Variants in GUCA1C observed in about 807,000 individuals in gnomAD.
The protein encoded by GUCA1C is guanylyl cyclase-activating protein 3.
GUCA1C carries 15 observed loss-of-function variants against 16.2 expected under a neutral mutation model. That is an observed-to-expected ratio of 0.93 (90% CI 0.62 to 1.43). GUCA1C has a LOEUF of 1.43. Ranked by LOEUF, GUCA1C falls within the 40% of genes most tolerant of loss-of-function variation. The pLI is 0.00. For synonymous variants in GUCA1C, 78 were observed against 85.4 expected (o/e 0.91, Z 0.48); for missense variants, 275 against 244.8 (o/e 1.12, Z -0.82).
chr3:108,907,947 G>A lies in GUCA1C; in HGVS notation c.*75C>T. On this transcript the variant is annotated 3_prime_UTR_variant, in exon 4 of 4. Coordinates refer to ENST00000261047, the MANE Select transcript of GUCA1C (RefSeq NM_005459.4). Reference sequence around the variant, plus strand: ...AACAAAGACCTGAAATCAACAGCATGTACATGGGGAAGATTCTATTTCTTC... The same window carrying A: ...AACAAAGACCTGAAATCAACAGCATATACATGGGGAAGATTCTATTTCTTC... 9.5e-7 allele frequency: 1 copy of A among 1,056,728 alleles called. No individual in the cohort carries two copies. The highest frequency in any genetic ancestry group is 1.4e-6 in the Non-Finnish European group (1 of 714,616). 65.5% of individuals were successfully genotyped at this position (1,056,728 alleles called of 1,614,324 possible). A position where few individuals can be genotyped will look rare whatever the true frequency, so the allele number is the denominator to read the frequency against.
intron 1 of GUCA1C, among the ~76,000 whole-genome samples, chr3:108,945,520 G>A (rs1394887598): frequency 6.6e-6 from 1 of 152,162 alleles, no homozygotes; most frequent in Non-Finnish European, 1.5e-5. Flanking sequence ...TGGAATGGAC[G>A]ATTCCCAGTT....
At chr3:108,941,961 A>ACC in intron 1 of GUCA1C, among the ~76,000 whole-genome samples, 1 of 151,592 alleles carries the variant, frequency 6.6e-6, no homozygotes, top group Non-Finnish European at 1.5e-5. Context: ...CCTCAACTAG[A>ACC]CCCCCAAATG....
upstream of GUCA1C, chr3:108,953,939 C>G (rs1036548191): frequency 3.4e-6 from 2 of 586,828 alleles, no homozygotes; most frequent in East Asian, 2.8e-5. Context: ...AACTTATCTG[C>G]CCAGTTTTAA....
intron 2 of GUCA1C, 101 bp from the exon 3 acceptor site, chr3:108,916,315 G>C (rs528115690): frequency 5.6e-6 from 6 of 1,063,580 alleles, no homozygotes; most frequent in Non-Finnish European, 8.4e-6. Flanking sequence ...ATGTGTTGTC[G>C]GTTGCTATCC....
At chr3:108,917,913 C>T (rs1174908833) in intron 2 of GUCA1C, among the ~76,000 whole-genome samples, 4 of 151,978 alleles carry the variant, frequency 2.6e-5, no homozygotes, top group Non-Finnish European at 4.4e-5. Context: ...GGCGTGGTGG[C>T]GGGCGCCTGT....
At chr3:108,947,105 AACT>A (rs1274183249) in intron 1 of GUCA1C, among the ~76,000 whole-genome samples, 2 of 152,200 alleles carry the variant, frequency 1.3e-5, no homozygotes, top group African/African-American at 4.8e-5. Flanking sequence ...ACAATGTATT[AACT>A]ACTAACAGCC....
rs577788993 is a variant in GUCA1C, at chr3:108,907,794, T to C, written c.*228A>G. The C allele has an allele frequency of 4.2e-6, 2 of 478,898 alleles. No individual in the cohort carries two copies. The highest frequency in any genetic ancestry group is 2.0e-5 in the African/African-American group (1 of 51,202). 29.7% of individuals were successfully genotyped at this position (478,898 alleles called of 1,614,324 possible). A position where few individuals can be genotyped will look rare whatever the true frequency, so the allele number is the denominator to read the frequency against. On this transcript the variant is annotated 3_prime_UTR_variant, in exon 4 of 4. Transcript: ENST00000261047. The stretch of plus-strand genomic sequence containing the variant: ...ACAGATAGGTATGGAGACAATCCTT[T>C]AGTGTAATCATTATGTTTTAATCTG...
rs35237284 is a variant in GUCA1C at position 108,935,534 on chromosome 3, GA to G, written c.205-14950del. On this transcript the variant is annotated intron_variant, in intron 1 of 3. Coordinates refer to ENST00000261047, the MANE Select transcript of GUCA1C (RefSeq NM_005459.4). ...TGAAACCACGTCTCTACTAAAAATAGAAAAAAAAAAAATTAGCTAAGCATGG... is the reference window on the plus strand; with the variant it reads ...TGAAACCACGTCTCTACTAAAAATAGAAAAAAAAAAATTAGCTAAGCATGG... Among the ~76,000 whole-genome samples, 513 of 143,992 alleles carry G rather than the reference GA, an allele frequency of 3.6e-3. 4 individuals carry two copies. Among genetic ancestry groups the G allele is most frequent in the Middle Eastern group, 0.022 (6 of 276 alleles). 94.5% of individuals were successfully genotyped at this position (143,992 alleles called of 152,430 possible).
intron 1 of GUCA1C, among the ~76,000 whole-genome samples, chr3:108,942,978 G>A (rs1358875883): frequency 6.6e-6 from 1 of 152,216 alleles, no homozygotes; most frequent in East Asian, 1.9e-4. Context: ...GACATTCATT[G>A]CCTAAGAGAT....
rs1946446427 is a variant in GUCA1C, at chr3:108,910,909, C to T, written c.443-2700G>A. ...TCGTGATCCACCCACCTCGGCCCCC[C>T]AAAGTGCTGGGATTACAGGCGTGAG... On this transcript the variant is annotated intron_variant, in intron 3 of 3. Transcript: ENST00000261047. Among the ~76,000 whole-genome samples the T allele has an allele frequency of 2.0e-5, 3 of 152,112 alleles. No homozygotes were observed. The South Asian group carries it at 6.2e-4, about 31-fold the overall frequency.
chr3:108,928,380 T>C (rs1023136659), intron 1 of GUCA1C, among the ~76,000 whole-genome samples: 69 of 152,232 alleles, frequency 4.5e-4, no homozygotes, highest in African/African-American at 1.5e-3. Context: ...AGATATTTTC[T>C]CCCAGTTGGT....
At chr3:108,911,106 T>C (rs1234737330) in intron 3 of GUCA1C, among the ~76,000 whole-genome samples, 1 of 152,212 alleles carries the variant, frequency 6.6e-6, no homozygotes, top group African/African-American at 2.4e-5. Context: ...TCAGTATCAC[T>C]GGTGGCCCTT....
chr3:108,939,817 C>A (rs769967242), intron 1 of GUCA1C, among the ~76,000 whole-genome samples: 1 of 152,138 alleles, frequency 6.6e-6, no homozygotes, highest in East Asian at 1.9e-4. Flanking sequence ...TGTGGCTACA[C>A]ATTAGAATCA....
chr3:108,924,449 CTT>C (rs1946601964), intron 1 of GUCA1C, among the ~76,000 whole-genome samples: 1 of 151,844 alleles, frequency 6.6e-6, no homozygotes, highest in Admixed American at 6.6e-5. Flanking sequence ...CATTTATTAA[CTT>C]ATGTATGTTA....
chr3:108,934,210 G>T (rs1422246026), intron 1 of GUCA1C, among the ~76,000 whole-genome samples: 3 of 152,106 alleles, frequency 2.0e-5, no homozygotes, highest in Non-Finnish European at 4.4e-5. Flanking sequence ...AAAGCATTAG[G>T]ACAAATACAT....
intron 1 of GUCA1C, among the ~76,000 whole-genome samples, chr3:108,949,489 T>C (rs957608114): frequency 2.6e-5 from 4 of 152,216 alleles, no homozygotes; most frequent in Non-Finnish European, 5.9e-5. Flanking sequence ...CTTAGTATTT[T>C]TGCTGCACTC....
upstream of GUCA1C, among the ~76,000 whole-genome samples, chr3:108,954,957 C>T (rs532355840): frequency 1.1e-4 from 17 of 152,158 alleles, no homozygotes; most frequent in South Asian, 1.2e-3. Flanking sequence ...AGGATGGTCT[C>T]GATCTCCTGA....
At chr3:108,924,606 T>G (rs1232361650) in intron 1 of GUCA1C, among the ~76,000 whole-genome samples, 2 of 152,164 alleles carry the variant, frequency 1.3e-5, no homozygotes, top group Non-Finnish European at 2.9e-5. Context: ...GTTTTCTTTT[T>G]TCTGTTAGGT....
chr3:108,926,285 T>C (rs1050500148), intron 1 of GUCA1C, among the ~76,000 whole-genome samples: 1 of 152,224 alleles, frequency 6.6e-6, no homozygotes, highest in African/African-American at 2.4e-5. Flanking sequence ...GAATGTCTTT[T>C]TCCACCCCCT....
Sources: allele counts gnomAD v4.1 joint callset (sites outside exome capture counted in the v4.1 genomes callset), GRCh38; gene constraint gnomAD v4.1.1; transcripts MANE v1.5; gene names NCBI Gene and HGNC (gene_info 2026-07-23, HGNC 2026-07-21).